The following GRM5 variants were observed in gnomAD, a reference collection of about 807,000 sequenced individuals.
GRM5 encodes glutamate metabotropic receptor 5, also known as metabotropic glutamate receptor 5.
GRM5 carries 19 observed loss-of-function variants against 83.1 expected under a neutral mutation model. The observed-to-expected ratio is 0.23, with a 90% CI of 0.16 to 0.34. GRM5 has a LOEUF of 0.34. Ranked by LOEUF, GRM5 falls within the 10% of genes least tolerant of loss-of-function variation. The pLI is 1.00. For missense variants in GRM5, 1,160 were observed against 1,588.3 expected, an observed-to-expected ratio of 0.73 and a Z score of 4.58; for synonymous variants, 675 against 633.6, an observed-to-expected ratio of 1.07 and a Z score of -0.98.
chr11:88,808,644 GTCA>G (rs1269891233), intron 3 of GRM5, among the ~76,000 whole-genome samples: 1 of 151,876 alleles, frequency 6.6e-6, no homozygotes, highest in African/African-American at 2.4e-5. Flanking sequence ...ACTTCTCAGT[GTCA>G]TCATGTTATA....
rs538516031 is a variant in GRM5 at position 88,661,613 on chromosome 11, C to T, written c.912-8210G>A. Among the ~76,000 whole-genome samples, 9 of 152,216 alleles carry T rather than the reference C, an allele frequency of 5.9e-5. No homozygotes were observed. The East Asian group carries it at 1.7e-3, about 29-fold the overall frequency. ...AATTCTAATAGTGGGAGTCTACGGA[C>T]TACTTGGCTGTTTTCACATAATATT... On this transcript the variant is annotated intron_variant, in intron 3 of 9. Coordinates refer to ENST00000305447, the MANE Select transcript of GRM5 (RefSeq NM_001143831.3).
chr11:89,062,567 G>A (rs1942016751), intron 1 of GRM5, among the ~76,000 whole-genome samples: 1 of 152,218 alleles, frequency 6.6e-6, no homozygotes, highest in South Asian at 2.1e-4. Context: ...AAAAAGTAAA[G>A]TATTGGAGAC....
intron 2 of GRM5, among the ~76,000 whole-genome samples, chr11:88,993,312 T>A (rs1459771877): frequency 6.6e-6 from 1 of 150,876 alleles, no homozygotes; most frequent in African/African-American, 2.4e-5. Flanking sequence ...TTCTTTTATA[T>A]ATGGATATCC....
chr11:89,045,432 T>C (rs1941621759), intron 2 of GRM5, among the ~76,000 whole-genome samples: 1 of 152,126 alleles, frequency 6.6e-6, no homozygotes, highest in African/African-American at 2.4e-5. Flanking sequence ...TAAAAACCCC[T>C]TTTAGAAAAA....
intron 2 of GRM5, among the ~76,000 whole-genome samples, chr11:88,975,328 T>C (rs1473962890): frequency 6.6e-6 from 1 of 152,222 alleles, no homozygotes; most frequent in Non-Finnish European, 1.5e-5. Flanking sequence ...CTTTTTCTGA[T>C]ACAAATTCAA....
At chr11:88,675,968 G>A (rs1940318182) in intron 3 of GRM5, among the ~76,000 whole-genome samples, 1 of 151,982 alleles carries the variant, frequency 6.6e-6, no homozygotes, top group African/African-American at 2.4e-5. Context: ...TATTTGTAGA[G>A]TGATAAACAT....
chr11:88,994,887 A>G (rs1299143153), intron 2 of GRM5, among the ~76,000 whole-genome samples: 3 of 152,126 alleles, frequency 2.0e-5, no homozygotes, highest in Non-Finnish European at 1.5e-5. Flanking sequence ...TGCTTCACCT[A>G]TAGCTTGCTT....
chr11:88,748,410 G>C (rs990714920), intron 3 of GRM5, among the ~76,000 whole-genome samples: 1 of 152,086 alleles, frequency 6.6e-6, no homozygotes, highest in Admixed American at 6.6e-5. Flanking sequence ...GGAATCCTAG[G>C]CAGCCAACAG....
intron 3 of GRM5, among the ~76,000 whole-genome samples, chr11:88,735,131 A>G (rs1941886198): frequency 6.6e-6 from 1 of 152,062 alleles, no homozygotes; most frequent in South Asian, 2.1e-4. Flanking sequence ...ATCATCTTAT[A>G]TAACTCGAAG....
rs746904549 is a variant in GRM5, at chr11:88,597,364, G to C, written c.1395-12C>G. The C allele has an allele frequency of 1.5e-6, 2 of 1,345,016 alleles. No individual in the cohort carries two copies. Among genetic ancestry groups the C allele is most frequent in the East Asian group, 2.3e-5 (1 of 43,144 alleles). The allele number at this position is 1,345,016 out of a possible 1,614,324, so 83.3% of individuals were successfully genotyped here. On this transcript the variant is annotated splice_polypyrimidine_tract_variant and intron_variant, in intron 5 of 9. Coordinates refer to ENST00000305447, the MANE Select transcript of GRM5 (RefSeq NM_001143831.3). ...TCATTATTTCATACCTTAGGAATAA[G>C]AATATGATAATTATGCAGCTTAAGA... is the stretch of plus-strand genomic sequence containing the variant.
At chr11:88,788,365 G>T (rs936640725) in intron 3 of GRM5, among the ~76,000 whole-genome samples, 1 of 152,104 alleles carries the variant, frequency 6.6e-6, no homozygotes, top group African/African-American at 2.4e-5. Context: ...TCCTGAGAGG[G>T]ATTGGAAAAC....
At chr11:89,021,724 T>C (rs1452977195) in intron 2 of GRM5, among the ~76,000 whole-genome samples, 1 of 152,228 alleles carries the variant, frequency 6.6e-6, no homozygotes, top group Non-Finnish European at 1.5e-5. Context: ...CTTTAAACTC[T>C]AGACTCTATA....
intron 3 of GRM5, among the ~76,000 whole-genome samples, chr11:88,839,594 C>G (rs1227035358): frequency 6.6e-6 from 1 of 152,158 alleles, no homozygotes; most frequent in East Asian, 1.9e-4. Context: ...ACCACTTAAA[C>G]TATTTTTCAT....
chr11:88,575,013 G>GA lies in GRM5; in HGVS notation c.1691-7022dup, dbSNP rs139017087. Among the ~76,000 whole-genome samples, 96 of 121,860 alleles carry GA rather than the reference G, an allele frequency of 7.9e-4. 1 individual carries two copies. In the South Asian group the frequency reaches 0.014, roughly 18 times the overall value. 79.9% of individuals were successfully genotyped at this position (121,860 alleles called of 152,430 possible). A position where few individuals can be genotyped will look rare whatever the true frequency, so the allele number is the denominator to read the frequency against. On this transcript the variant is annotated intron_variant, in intron 7 of 9. Transcript: ENST00000305447. Reference sequence around the variant, plus strand: ...TTTTTTTTTTTTTTACTTTAGCATAGAAAAAAAAAATAGAAAAGTTCCCAA... The same window carrying GA: ...TTTTTTTTTTTTTTACTTTAGCATAGAAAAAAAAAAATAGAAAAGTTCCCAA...
chr11:88,739,957 G>C (rs1412106216), intron 3 of GRM5, among the ~76,000 whole-genome samples: 1 of 152,014 alleles, frequency 6.6e-6, no homozygotes, highest in Non-Finnish European at 1.5e-5. Flanking sequence ...GGCATTTATA[G>C]TAAGAACACA....
rs759799062 is a variant in GRM5, at chr11:88,507,556, A to G, written c.*1036T>C. 1 of 152,350 alleles carries G rather than the reference A, an allele frequency of 6.6e-6. No individual in the cohort carries two copies. Among genetic ancestry groups the G allele is most frequent in the East Asian group, 1.9e-4 (1 of 5,190 alleles). The allele number at this position is 152,350 out of a possible 1,614,324, so 9.4% of individuals were successfully genotyped here. On this transcript the variant is annotated 3_prime_UTR_variant, in exon 10 of 10. Transcript: ENST00000305447. ...CACTCTTCCAGTGGTGGGACTCGAA[A>G]AGAACAAAGGAGCTCTTTGTGCATC...
In GRM5 at chr11:88,649,473, T is replaced by C. The variant is rs1278190683; in HGVS notation, c.1147+3695A>G. 2.1e-5 allele frequency among the ~76,000 whole-genome samples: 3 copies of C among 144,608 alleles called. No homozygotes were observed. In the East Asian group the frequency reaches 5.9e-4, roughly 28 times the overall value. The allele number at this position is 144,608 out of a possible 152,430, so 94.9% of individuals were successfully genotyped here. On this transcript the variant is annotated intron_variant, in intron 4 of 9. Transcript: ENST00000305447. ...TATATTATATATTACATATATACTA[T>C]ATATAATTTATATATTACATATATA...
intron 3 of GRM5, among the ~76,000 whole-genome samples, chr11:88,808,100 G>T (rs577732427): frequency 7.9e-5 from 12 of 151,764 alleles, no homozygotes; most frequent in African/African-American, 2.9e-4. Context: ...TGTATGTGAT[G>T]GTATATATAT....
In GRM5 at chr11:88,784,183, T is replaced by C. The variant is rs193086868; in HGVS notation, c.911+65723A>G. 1.3e-3 allele frequency among the ~76,000 whole-genome samples: 194 copies of C among 152,192 alleles called. 1 individual carries two copies. The highest frequency in any genetic ancestry group is 3.4e-3 in the Middle Eastern group (1 of 294). On this transcript the variant is annotated intron_variant, in intron 3 of 9. Coordinates refer to ENST00000305447, the MANE Select transcript of GRM5 (RefSeq NM_001143831.3). ...AACTACTGGAAATAAAACAAGCATGTATCTTGTTTGTGTTAGGCAGCAGCC... is the reference window on the plus strand; with the variant it reads ...AACTACTGGAAATAAAACAAGCATGCATCTTGTTTGTGTTAGGCAGCAGCC...
Sources: gnomAD v4.1 joint callset for allele counts (sites outside exome capture counted in the v4.1 genomes callset) on GRCh38, gnomAD v4.1.1 for gene constraint, MANE v1.5 for transcripts, NCBI Gene and HGNC (gene_info 2026-07-23, HGNC 2026-07-21) for gene names.